Variants in SNTG1 observed in about 807,000 individuals in gnomAD.
SNTG1 encodes gamma-1-syntrophin.
SNTG1 carries 39 observed loss-of-function variants against 74.7 expected under a neutral mutation model. That is an observed-to-expected ratio of 0.52 (90% CI 0.40 to 0.68). The LOEUF (loss-of-function observed/expected upper bound fraction) is 0.68, where lower values mean the gene tolerates loss of function less well. Among genes scored for constraint, SNTG1 ranks in the 30% least tolerant of loss-of-function variants. The pLI, the probability that SNTG1 is intolerant of heterozygous loss-of-function variation, is 0.00. For synonymous variants in SNTG1, 254 were observed against 217.1 expected (o/e 1.17, Z -1.49); for missense variants, 685 against 609.5 (o/e 1.12, Z -1.30).
At chr8:50,434,967 A>G (rs976070769) in intron 4 of SNTG1, among the ~76,000 whole-genome samples, 8 of 152,210 alleles carry the variant, frequency 5.3e-5, no homozygotes, top group African/African-American at 1.4e-4. Context: ...CAAAATTTCA[A>G]TACCTGAGAT....
At chr8:50,125,214 A>G (rs1340601853) in intron 1 of SNTG1, among the ~76,000 whole-genome samples, 1 of 142,546 alleles carries the variant, frequency 7.0e-6, no homozygotes, top group Non-Finnish European at 1.6e-5. Flanking sequence ...GGAACTCAGT[A>G]ATCAATGGCT....
intron 1 of SNTG1, among the ~76,000 whole-genome samples, chr8:50,019,238 A>G (rs1383620621): frequency 6.6e-6 from 1 of 152,104 alleles, no homozygotes; most frequent in African/African-American, 2.4e-5. Context: ...AATGTGTCTC[A>G]GTAAAGCTGC....
intron 2 of SNTG1, among the ~76,000 whole-genome samples, chr8:50,319,559 A>G (rs2090450007): frequency 1.3e-5 from 2 of 151,958 alleles, no homozygotes; most frequent in South Asian, 4.1e-4. Flanking sequence ...TGGCCTTTAT[A>G]TCTTTATCTT....
intron 11 of SNTG1, among the ~76,000 whole-genome samples, chr8:50,551,984 G>A (rs546545475): frequency 2.0e-5 from 3 of 152,194 alleles, no homozygotes; most frequent in South Asian, 2.1e-4. Flanking sequence ...GGTTTTCTTT[G>A]TTTGGGGAAT....
chr8:50,319,548 A>G (rs2090449431), intron 2 of SNTG1, among the ~76,000 whole-genome samples: 1 of 152,136 alleles, frequency 6.6e-6, no homozygotes, highest in Non-Finnish European at 1.5e-5. Context: ...TTCAATTTGT[A>G]TGGCCTTTAT....
In SNTG1 at chr8:50,391,691, C is replaced by T. The variant is rs376571527; in HGVS notation, c.-27-2521C>T. Among the ~76,000 whole-genome samples the T allele has an allele frequency of 1.0e-3, 156 of 152,172 alleles. 1 individual carries two copies. The highest frequency in any genetic ancestry group is 3.3e-3 in the African/African-American group (138 of 41,526). ...CTCTGGTAGAATTCGGCTGTGAATC[C>T]ATCTGCTCCTGGATTTTTTTGGTTG... On this transcript the variant is annotated intron_variant, in intron 2 of 18. Coordinates refer to ENST00000642720, the MANE Select transcript of SNTG1 (RefSeq NM_018967.5).
intron 12 of SNTG1, among the ~76,000 whole-genome samples, chr8:50,573,054 G>A (rs185797861): frequency 1.1e-4 from 16 of 152,080 alleles, no homozygotes; most frequent in African/African-American, 1.7e-4. Flanking sequence ...AATTGGTATC[G>A]TTAAGATACA....
intron 14 of SNTG1, among the ~76,000 whole-genome samples, chr8:50,658,104 T>C (rs569443406): frequency 3.3e-5 from 5 of 152,280 alleles, no homozygotes; most frequent in African/African-American, 7.2e-5. Flanking sequence ...CAGTTAAATA[T>C]AGTTTCCAAC....
intron 2 of SNTG1, among the ~76,000 whole-genome samples, chr8:50,381,549 T>G (rs2092479253): frequency 7.3e-6 from 1 of 137,890 alleles, no homozygotes; most frequent in Non-Finnish European, 1.6e-5. Flanking sequence ...GGGACAGAAC[T>G]AATAGGATAT....
At chr8:50,319,889 T>C (rs907577190) in intron 2 of SNTG1, among the ~76,000 whole-genome samples, 1 of 152,214 alleles carries the variant, frequency 6.6e-6, no homozygotes, top group East Asian at 1.9e-4. Flanking sequence ...ATGATCTCTT[T>C]AAGATATTGT....
At chr8:50,158,371 T>C (rs1440513667) in intron 1 of SNTG1, among the ~76,000 whole-genome samples, 1 of 152,156 alleles carries the variant, frequency 6.6e-6, no homozygotes, top group East Asian at 1.9e-4. Context: ...GGGTGGGTTC[T>C]CAAAACTTTT....
chr8:50,193,949 T>C (rs2083670723), intron 2 of SNTG1, among the ~76,000 whole-genome samples: 2 of 152,186 alleles, frequency 1.3e-5, no homozygotes, highest in Non-Finnish European at 2.9e-5. Context: ...TTGTTTTTAA[T>C]TCTGTTTTTG....
At chr8:50,127,344 A>G (rs927309171) in intron 1 of SNTG1, among the ~76,000 whole-genome samples, 8 of 152,182 alleles carry the variant, frequency 5.3e-5, no homozygotes, top group Non-Finnish European at 1.2e-4. Context: ...ATGAGGTCAT[A>G]ATGAAGGTAT....
Position 50,498,698 on chromosome 8 carries a change from C to T in SNTG1, c.364-4080C>T, listed in dbSNP as rs2093925282. 2.6e-5 allele frequency among the ~76,000 whole-genome samples: 4 copies of T among 151,778 alleles called. No individual in the cohort carries two copies. The South Asian group carries it at 8.3e-4, about 31-fold the overall frequency. The stretch of plus-strand genomic sequence containing the variant: ...CCACAACGGTTTTCTCCAAAGTTTA[C>T]TTTTAGAAGTTTTATAAGCTTAGAC... On this transcript the variant is annotated intron_variant, in intron 8 of 18. Coordinates refer to ENST00000642720, the MANE Select transcript of SNTG1 (RefSeq NM_018967.5).
chr8:50,656,418 A>T lies in SNTG1; in HGVS notation c.850-491A>T, dbSNP rs182227342. Among the ~76,000 whole-genome samples, 139 of 152,236 alleles carry T rather than the reference A, an allele frequency of 9.1e-4. 1 individual carries two copies. Among genetic ancestry groups the T allele is most frequent in the African/African-American group, 3.2e-3 (135 of 41,554 alleles). On this transcript the variant is annotated intron_variant, in intron 13 of 18. Coordinates refer to ENST00000642720, the MANE Select transcript of SNTG1 (RefSeq NM_018967.5). ...AATGATTAAAAGGAGGGCATTTATC[A>T]TTCTCCCCTATCAGGCACAGAGGAG...
intron 13 of SNTG1, among the ~76,000 whole-genome samples, chr8:50,633,311 C>T (rs1217623508): frequency 6.6e-6 from 1 of 152,142 alleles, no homozygotes; most frequent in East Asian, 1.9e-4. Flanking sequence ...AGGCCTGGTA[C>T]TCTGAAATTG....
intron 2 of SNTG1, among the ~76,000 whole-genome samples, chr8:50,375,223 T>C (rs929011113): frequency 6.6e-6 from 1 of 152,104 alleles, no homozygotes; most frequent in Non-Finnish European, 1.5e-5. Flanking sequence ...TTTGTGGACA[T>C]AGAGCCTTGA....
intron 2 of SNTG1, among the ~76,000 whole-genome samples, chr8:50,278,948 T>A (rs1432004697): frequency 2.0e-5 from 3 of 152,136 alleles, no homozygotes; most frequent in Non-Finnish European, 4.4e-5. Context: ...TGAGGGATCA[T>A]TTTGATATTG....
At chr8:50,569,626 G>A (rs892916110) in intron 12 of SNTG1, among the ~76,000 whole-genome samples, 11 of 152,034 alleles carry the variant, frequency 7.2e-5, no homozygotes, top group African/African-American at 2.2e-4. Context: ...AATCATGATG[G>A]AATAAAGACT....
Sources: gnomAD v4.1 joint callset for allele counts (sites outside exome capture counted in the v4.1 genomes callset) on GRCh38, gnomAD v4.1.1 for gene constraint, MANE v1.5 for transcripts, NCBI Gene and HGNC (gene_info 2026-07-23, HGNC 2026-07-21) for gene names.